Variants in PAIP2 observed in about 807,000 individuals in gnomAD.
The protein encoded by PAIP2 is polyadenylate-binding protein-interacting protein 2.
PAIP2 carries 7 observed loss-of-function variants against 14.8 expected under a neutral mutation model. The observed-to-expected ratio is 0.47, with a 90% CI of 0.27 to 0.89. The LOEUF is 0.89. Ranked by LOEUF, PAIP2 falls within the 40% of genes least tolerant of loss-of-function variation. The pLI is 0.13. For synonymous variants in PAIP2, 47 were observed against 45.3 expected (o/e 1.04, Z -0.15); for missense variants, 122 against 154.7 (o/e 0.79, Z 1.12).
At chr5:139,350,817 A>G (rs1343465135) in intron 1 of PAIP2, among the ~76,000 whole-genome samples, 1 of 152,140 alleles carries the variant, frequency 6.6e-6, no homozygotes, top group Non-Finnish European at 1.5e-5. Context: ...ATTGGTATAG[A>G]AATACACAAT....
chr5:139,366,243 T>C (rs1474454489), intron 3 of PAIP2, among the ~76,000 whole-genome samples: 1 of 149,414 alleles, frequency 6.7e-6, no homozygotes, highest in Non-Finnish European at 1.5e-5. Flanking sequence ...GGGGGAATTG[T>C]GATAACTAAA....
Position 139,364,744 on chromosome 5 carries a change from G to T in PAIP2, c.318+1G>T. ...TGGCTCTTCTCTGGAAGATCTTGTG[G>T]TAAAAAGTTATTTTTCATCTTTTTA... is the stretch of plus-strand genomic sequence containing the variant. On this transcript the variant is annotated splice_donor_variant, in intron 3 of 3. Transcript: ENST00000265192. LOFTEE classifies it high-confidence loss of function. 6.3e-7 allele frequency: 1 copy of T among 1,588,712 alleles called. No individual in the cohort carries two copies. Among genetic ancestry groups the T allele is most frequent in the Non-Finnish European group, 8.6e-7 (1 of 1,164,706 alleles).
intron 1 of PAIP2, among the ~76,000 whole-genome samples, chr5:139,357,586 A>G (rs1193733915): frequency 6.6e-6 from 1 of 152,024 alleles, no homozygotes; most frequent in East Asian, 1.9e-4. Flanking sequence ...TAATCCAAAC[A>G]CTCTGGGAGG....
rs776558495 is a variant in PAIP2, at chr5:139,363,801, G to A, written c.17G>A (p.Arg6His). 3.7e-6 allele frequency: 6 copies of A among 1,613,796 alleles called. No individual in the cohort carries two copies. In the Admixed American group the frequency reaches 6.7e-5, roughly 18 times the overall value. ...ACATCAGCCATGAAAGATCCAAGTC[G>A]CAGCAGTACTAGCCCAAGCATCATC... is the stretch of plus-strand genomic sequence containing the variant. MKDPS[R>H]SSTSPSIINE... The change falls in exon 2 of 4, where the codon CGC (arginine) becomes CAC (histidine). Residue 6 changes from arginine to histidine, a missense_variant. Coordinates refer to ENST00000265192, the MANE Select transcript of PAIP2 (RefSeq NM_016480.5).
chr5:139,342,275 T>C (rs1756402418), intron 1 of PAIP2, among the ~76,000 whole-genome samples: 2 of 152,030 alleles, frequency 1.3e-5, no homozygotes, highest in South Asian at 4.2e-4. Context: ...GGGATAGCAC[T>C]TTCTCCTGTT....
At chr5:139,358,376 C>T (rs1210855333) in intron 1 of PAIP2, among the ~76,000 whole-genome samples, 1 of 152,164 alleles carries the variant, frequency 6.6e-6, no homozygotes, top group Admixed American at 6.6e-5. Context: ...ACCACATTAG[C>T]AGTGCTTACT....
intron 1 of PAIP2, among the ~76,000 whole-genome samples, chr5:139,353,338 A>G (rs758173814): frequency 6.6e-6 from 1 of 152,140 alleles, no homozygotes; most frequent in Non-Finnish European, 1.5e-5. Context: ...TCTCTCAGCC[A>G]GGGGAGACTC....
chr5:139,362,326 T>C (rs1757088556), intron 1 of PAIP2, among the ~76,000 whole-genome samples: 1 of 151,914 alleles, frequency 6.6e-6, no homozygotes, highest in African/African-American at 2.4e-5. Context: ...TTTCAAGTGA[T>C]TCTCCCACCT....
intron 1 of PAIP2, among the ~76,000 whole-genome samples, chr5:139,355,730 G>A (rs748802649): frequency 2.0e-4 from 30 of 152,026 alleles, no homozygotes; most frequent in Non-Finnish European, 3.7e-4. Context: ...GGTGGCGGGC[G>A]CCTGTAATCC....
chr5:139,368,661 A>G, intron 3 of PAIP2, 72 bp from the exon 4 acceptor site: 1 of 998,644 alleles, frequency 1.0e-6, no homozygotes, highest in Non-Finnish European at 1.6e-6. Flanking sequence ...ATGTTTTTGC[A>G]TGAGGATCTA....
intron 3 of PAIP2, chr5:139,367,144 G>C (rs1238212499): frequency 6.6e-6 from 1 of 152,162 alleles, no homozygotes; most frequent in Admixed American, 6.5e-5. Flanking sequence ...TGGGGGAAGG[G>C]AGAATATATC....
Position 139,353,357 on chromosome 5 carries a change from T to C in PAIP2, c.-26-10402T>C, listed in dbSNP as rs370241967. Among the ~76,000 whole-genome samples the C allele has an allele frequency of 1.9e-4, 29 of 152,262 alleles. No individual in the cohort carries two copies. The East Asian group carries it at 4.1e-3, about 21-fold the overall frequency. Reference sequence around the variant, plus strand: ...TCAGCCAGGGGAGACTCTCAACATATATAGGTTTGAGCTCATTGACTCTTA... The same window carrying C: ...TCAGCCAGGGGAGACTCTCAACATACATAGGTTTGAGCTCATTGACTCTTA... On this transcript the variant is annotated intron_variant, in intron 1 of 3. Transcript: ENST00000265192.
chr5:139,351,759 A>G (rs1257208286), intron 1 of PAIP2, among the ~76,000 whole-genome samples: 4 of 151,846 alleles, frequency 2.6e-5, no homozygotes, highest in Admixed American at 1.3e-4. Context: ...TCATGGTTCA[A>G]GTAATCCTCC....
intron 1 of PAIP2, among the ~76,000 whole-genome samples, chr5:139,344,076 A>G (rs1035891761): frequency 1.3e-5 from 2 of 152,208 alleles, no homozygotes; most frequent in African/African-American, 2.4e-5. Context: ...AATGCCAGGC[A>G]TTGTTCTCAT....
chr5:139,345,374 C>T (rs1756508306), intron 1 of PAIP2, among the ~76,000 whole-genome samples: 1 of 151,962 alleles, frequency 6.6e-6, no homozygotes, highest in African/African-American at 2.4e-5. Flanking sequence ...CCTTACTGTG[C>T]CAAATAGTAA....
chr5:139,364,341 C>T (rs1757155026), intron 2 of PAIP2, among the ~76,000 whole-genome samples: 1 of 151,960 alleles, frequency 6.6e-6, no homozygotes, highest in Non-Finnish European at 1.5e-5. Context: ...CTGCCACCCT[C>T]AATGGAAAAA....
intron 1 of PAIP2, among the ~76,000 whole-genome samples, chr5:139,355,059 C>A (rs1183475066): frequency 6.6e-6 from 1 of 151,504 alleles, no homozygotes; most frequent in African/African-American, 2.4e-5. Flanking sequence ...ACCTCGTGAT[C>A]CTCCTGCCCC....
intron 1 of PAIP2, among the ~76,000 whole-genome samples, chr5:139,348,867 G>A (rs941104817): frequency 6.6e-5 from 10 of 150,952 alleles, no homozygotes; most frequent in African/African-American, 2.4e-4. Flanking sequence ...TAGTAGAGAC[G>A]GTTTCGCCAT....
chr5:139,351,819 C>T (rs1192195725), intron 1 of PAIP2, among the ~76,000 whole-genome samples: 3 of 152,042 alleles, frequency 2.0e-5, no homozygotes, highest in South Asian at 4.1e-4. Flanking sequence ...CCACCATGCC[C>T]AGCTAATTAA....
Sources: allele counts gnomAD v4.1 joint callset (sites outside exome capture counted in the v4.1 genomes callset), GRCh38; gene constraint gnomAD v4.1.1; transcripts MANE v1.5; gene names NCBI Gene and HGNC (gene_info 2026-07-23, HGNC 2026-07-21).